HEYL: variants seen among roughly 807,000 people sequenced by gnomAD.
HEYL encodes hes related family bHLH transcription factor with YRPW motif like, also known as hairy/enhancer-of-split related with YRPW motif-like protein.
In HEYL, 12 loss-of-function variants were observed where a neutral mutation model predicts 18.6. The observed-to-expected ratio is 0.65, with a 90% confidence interval of 0.41 to 1.05. The LOEUF (loss-of-function observed/expected upper bound fraction) is 1.05. Ranked by LOEUF, HEYL falls within the 50% of genes least tolerant of loss-of-function variation. HEYL has a pLI of 0.00. For missense variants in HEYL, 420 were observed against 444.7 expected, an observed-to-expected ratio of 0.94 and a Z score of 0.50; for synonymous variants, 159 against 179.6, an observed-to-expected ratio of 0.89 and a Z score of 0.91.
Position 39,626,915 on chromosome 1 carries a change from G to A in HEYL, c.579C>T (p.Leu193=), listed in dbSNP as rs1483357374. Residue 193 remains leucine, a synonymous_variant, in exon 5 of 5, where the codon CTC becomes CTT. Coordinates refer to ENST00000372852, the MANE Select transcript of HEYL (RefSeq NM_014571.4). The part of the protein sequence containing the change: ...CPGLPALSNQ[L]AILGRVPSPV... Reference sequence around the variant, plus strand: ...GGCTGGGCACTCTTCCCAGGATGGCGAGCTGGTTGCTCAGGGCTGGCAGCC... The same window carrying A: ...GGCTGGGCACTCTTCCCAGGATGGCAAGCTGGTTGCTCAGGGCTGGCAGCC... 2.5e-6 allele frequency: 4 copies of A among 1,611,224 alleles called. No individual in the cohort carries two copies. Among genetic ancestry groups the A allele is most frequent in the East Asian group, 2.2e-5 (1 of 44,790 alleles).
Position 39,625,871 on chromosome 1 carries a change from G to A in HEYL, c.*636C>T. ...GTGTCTGCTGCTGGGAGGAGGGTGG[G>A]AGCAGGCTCTGCTGGGCCCCCAGTC... On this transcript the variant is annotated 3_prime_UTR_variant, in exon 5 of 5. Coordinates refer to ENST00000372852, the MANE Select transcript of HEYL (RefSeq NM_014571.4). 1 of 153,724 alleles carries A rather than the reference G, an allele frequency of 6.5e-6. No individual in the cohort carries two copies. The highest frequency in any genetic ancestry group is 1.9e-4 in the East Asian group (1 of 5,212). The allele number at this position is 153,724 out of a possible 1,614,324, so 9.5% of individuals were successfully genotyped here.
chr1:39,633,190 T>G (rs1352967121), intron 1 of HEYL: 2 of 878,890 alleles, frequency 2.3e-6, no homozygotes, highest in African/African-American at 3.6e-5. Flanking sequence ...AGCTGCCGCC[T>G]CCTCCCACGC....
chr1:39,628,316 G>C (rs1646311832), intron 4 of HEYL, among the ~76,000 whole-genome samples: 1 of 152,128 alleles, frequency 6.6e-6, no homozygotes, highest in East Asian at 1.9e-4. Flanking sequence ...GTCTCGCTCT[G>C]TCCCCCAGGC....
At position 39,627,080 on chromosome 1, in the gene HEYL, G is replaced by A. The variant is rs569637846; in HGVS notation, c.414C>T (p.Pro138=). The A allele has an allele frequency of 9.9e-6, 16 of 1,614,172 alleles. No individual in the cohort carries two copies. The highest frequency in any genetic ancestry group is 1.7e-5 in the Admixed American group (1 of 60,028). The change falls in exon 5 of 5, where the codon CCC becomes CCT. Residue 138 remains proline, a synonymous_variant. Coordinates refer to ENST00000372852, the MANE Select transcript of HEYL (RefSeq NM_014571.4). ...VIRYLGVLEG[P]SSRADPVRIR... is the part of the protein sequence containing the mutation. ...TCCGGACGGGGTCTGCACGGCTGCT[G>A]GGCCCTTCAAGGACCCCCAGGTACC... is the stretch of plus-strand genomic sequence containing the variant.
At chr1:39,629,777 T>C (rs1162080788) in intron 4 of HEYL, among the ~76,000 whole-genome samples, 1 of 152,260 alleles carries the variant, frequency 6.6e-6, no homozygotes, top group Admixed American at 6.5e-5. Context: ...CTGAGACCTG[T>C]GGTGAGCATG....
rs778857023 is a variant in HEYL at position 39,627,190 on chromosome 1, G to A, written c.314-10C>T. ...CGGGCATCAAAGAATCCTGCAAAGG[G>A]AGGCGTGATGAAGGTCATGCCAGGT... On this transcript the variant is annotated splice_polypyrimidine_tract_variant and intron_variant, in intron 4 of 4. Coordinates refer to ENST00000372852, the MANE Select transcript of HEYL (RefSeq NM_014571.4). 1.0e-5 allele frequency: 16 copies of A among 1,605,762 alleles called. No homozygotes were observed. In the South Asian group the frequency reaches 1.8e-4, roughly 18 times the overall value.
At chr1:39,637,522 C>T (rs1646367299) in intron 1 of HEYL, among the ~76,000 whole-genome samples, 1 of 152,192 alleles carries the variant, frequency 6.6e-6, no homozygotes, top group Non-Finnish European at 1.5e-5. Flanking sequence ...GTCTGGGCCA[C>T]AGCAGGCATC....
intron 1 of HEYL, among the ~76,000 whole-genome samples, chr1:39,637,498 A>G (rs1436477600): frequency 6.6e-6 from 1 of 152,142 alleles, no homozygotes; most frequent in African/African-American, 2.4e-5. Context: ...TGGGCCCCCT[A>G]TGCCCAGCCC....
At chr1:39,636,836 A>G (rs570188501) in intron 1 of HEYL, among the ~76,000 whole-genome samples, 4 of 152,186 alleles carry the variant, frequency 2.6e-5, no homozygotes, top group Non-Finnish European at 5.9e-5. Context: ...TTTTCATTAG[A>G]CCATGCTGTC....
At chr1:39,639,132 A>C (rs1646374473) in intron 1 of HEYL, among the ~76,000 whole-genome samples, 1 of 152,192 alleles carries the variant, frequency 6.6e-6, no homozygotes, top group Non-Finnish European at 1.5e-5. Context: ...CTAGGGTAAA[A>C]TTGGGAAAGG....
At chr1:39,638,679 C>T (rs1646372016) in intron 1 of HEYL, among the ~76,000 whole-genome samples, 1 of 152,218 alleles carries the variant, frequency 6.6e-6, no homozygotes, top group African/African-American at 2.4e-5. Flanking sequence ...TCTGCAGACT[C>T]CCAGTCAGCC....
In HEYL at chr1:39,638,029, C is replaced by A. The variant is rs941600995; in HGVS notation, c.80+1517G>T. On this transcript the variant is annotated intron_variant, in intron 1 of 4. Coordinates refer to ENST00000372852, the MANE Select transcript of HEYL (RefSeq NM_014571.4). ...CATTGAATTTGAGACCCCGCTCCAC[C>A]ACCACCACGTGGTGCTGTGCCCTTT... is the stretch of plus-strand genomic sequence containing the variant. 2.6e-5 allele frequency among the ~76,000 whole-genome samples: 4 copies of A among 152,244 alleles called. No individual in the cohort carries two copies. In the East Asian group the frequency reaches 5.8e-4, roughly 22 times the overall value.
In HEYL at chr1:39,624,067, G is replaced by A. The variant is rs1256889519; in HGVS notation, c.*2440C>T. On this transcript the variant is annotated 3_prime_UTR_variant, in exon 5 of 5. Transcript: ENST00000372852. ...AGGCCAGGGCAGTGATCTGGGGGAG[G>A]TGATGTGGCCTGGCCAGGATGGCTG... 6.6e-6 allele frequency: 1 copy of A among 152,288 alleles called. No individual in the cohort carries two copies. Among genetic ancestry groups the A allele is most frequent in the Non-Finnish European group, 1.5e-5 (1 of 68,078 alleles). 9.4% of individuals were successfully genotyped at this position (152,288 alleles called of 1,614,324 possible).
Position 39,627,166 on chromosome 1 carries a change from G to C in HEYL, c.328C>G (p.Arg110Gly), listed in dbSNP as rs751649234. Residue 110 changes from arginine to glycine, a missense_variant, in exon 5 of 5, where the codon CGA becomes GGA. Physicochemically the swap from Arg to Gly is moderately radical, Grantham distance 125. Coordinates refer to ENST00000372852, the MANE Select transcript of HEYL (RefSeq NM_014571.4). ...CTCCGGAAGTCAACTGCCAGGGCTCGGGCATCAAAGAATCCTGCAAAGGGA... is the reference window on the plus strand; with the variant it reads ...CTCCGGAAGTCAACTGCCAGGGCTCCGGCATCAAAGAATCCTGCAAAGGGA... ...ATGGTGFFDA[R>G]ALAVDFRSIG... The C allele has an allele frequency of 1.1e-5, 18 of 1,611,484 alleles. No homozygotes were observed. The African/African-American group carries it at 2.1e-4, about 19-fold the overall frequency.
chr1:39,630,178 CA>C (rs1301395691), intron 4 of HEYL, 48 bp downstream of exon 4: 3 of 1,545,416 alleles, frequency 1.9e-6, no homozygotes, highest in African/African-American at 1.4e-5. Context: ...GGCCCAGCCT[CA>C]AAATATTTGT....
chr1:39,627,124 A>G lies in HEYL; in HGVS notation c.370T>C (p.Cys124Arg). 6.2e-7 allele frequency: 1 copy of G among 1,613,880 alleles called. No homozygotes were observed. Among genetic ancestry groups the G allele is most frequent in the Non-Finnish European group, 8.5e-7 (1 of 1,179,884 alleles). The change falls in exon 5 of 5, where the codon TGC (cysteine) becomes CGC (arginine). Residue 124 changes from cysteine (C) to arginine (R), a missense_variant. Coordinates refer to ENST00000372852, the MANE Select transcript of HEYL (RefSeq NM_014571.4). ...VDFRSIGFRECLTEVIRYLGV... is the reference protein window; with the variant it reads ...VDFRSIGFRERLTEVIRYLGV... ...AGGTACCTGATGACCTCAGTGAGGCACTCCCGAAAACCAATGCTCCGGAAG... is the reference window on the plus strand; with the variant it reads ...AGGTACCTGATGACCTCAGTGAGGCGCTCCCGAAAACCAATGCTCCGGAAG...
Position 39,626,695 on chromosome 1 carries a change from C to G in HEYL, c.799G>C (p.Ala267Pro), listed in dbSNP as rs1737738. 1 of 1,508,228 alleles carries G rather than the reference C, an allele frequency of 6.6e-7. No individual in the cohort carries two copies. The highest frequency in any genetic ancestry group is 2.4e-5 in the East Asian group (1 of 41,398). The allele number at this position is 1,508,228 out of a possible 1,614,324, so 93.4% of individuals were successfully genotyped here. A position where few individuals can be genotyped will look rare whatever the true frequency, so the allele number is the denominator to read the frequency against. The stretch of plus-strand genomic sequence containing the variant: ...AGGGGAGCGATGTGGCTGCTCCTGG[C>G]AGCCCTGCTGCTGGGGGCGACAGGC... ...PVPVAPSSRA[A>P]RSSHIAPLLQ... Residue 267 changes from alanine to proline, a missense_variant, in exon 5 of 5, where the codon GCC (alanine) becomes CCC (proline). Coordinates refer to ENST00000372852, the MANE Select transcript of HEYL (RefSeq NM_014571.4).
In HEYL at chr1:39,630,258, G is replaced by GTGAT; in HGVS notation, c.278_281dup (p.His94GlnfsTer16). The GTGAT allele has an allele frequency of 1.2e-6, 2 of 1,614,140 alleles. No individual in the cohort carries two copies. Among genetic ancestry groups the GTGAT allele is most frequent in the Non-Finnish European group, 1.7e-6 (2 of 1,179,992 alleles). On this transcript the variant is annotated frameshift_variant, in exon 4 of 5. Coordinates refer to ENST00000372852, the MANE Select transcript of HEYL (RefSeq NM_014571.4). LOFTEE classifies it high-confidence loss of function. ...CACCAGTGGCATGGAGCATTTTCAA[G>GTGAT]TGATCCACCGTCATCTGCAAGACCT...
intron 2 of HEYL, among the ~76,000 whole-genome samples, chr1:39,631,801 GTC>G (rs1164036636): frequency 6.6e-6 from 1 of 152,230 alleles, no homozygotes; most frequent in Admixed American, 6.5e-5. Context: ...CAGATCTCTT[GTC>G]TCGGTCTATA....
Sources: allele counts gnomAD v4.1 joint callset (sites outside exome capture counted in the v4.1 genomes callset), GRCh38; gene constraint gnomAD v4.1.1; transcripts MANE v1.5; gene names NCBI Gene and HGNC (gene_info 2026-07-23, HGNC 2026-07-21).